CLEC20A: variants seen among roughly 807,000 people sequenced by gnomAD.
The protein encoded by CLEC20A is C-type lectin domain containing 20A, also known as putative C-type lectin domain family 20 member A.
chr1:178,481,176 A>AT (rs1275410212), intron 7 of CLEC20A: 2 of 152,214 alleles, frequency 1.3e-5, no homozygotes, highest in Non-Finnish European at 2.9e-5. Context: ...GTTATATGAA[A>AT]TTACAATAAA....
chr1:178,492,585 C>T lies in CLEC20A; in HGVS notation c.398-19G>A, dbSNP rs1649290531. On this transcript the variant is annotated intron_variant, in intron 2 of 7. Coordinates refer to ENST00000623247, the Ensembl canonical transcript of CLEC20A. ...TCAGGGTCTGTAAAACAGAAACAGACCACGAGTTATGGGGAGGCCCAGGAT... is the reference window on the plus strand; with the variant it reads ...TCAGGGTCTGTAAAACAGAAACAGATCACGAGTTATGGGGAGGCCCAGGAT... The T allele has an allele frequency of 5.0e-6, 2 of 398,400 alleles. No homozygotes were observed. Among genetic ancestry groups the T allele is most frequent in the South Asian group, 1.3e-4 (1 of 7,838 alleles). The allele number at this position is 398,400 out of a possible 1,614,324, so 24.7% of individuals were successfully genotyped here.
intron 1 of CLEC20A, chr1:178,496,516 C>T (rs1047001282): frequency 4.9e-6 from 1 of 204,072 alleles, no homozygotes. Context: ...ACCCTTGCCG[C>T]CCCCTGGTCC....
chr1:178,491,196 G>A (rs1465941907), intron 3 of CLEC20A, among the ~76,000 whole-genome samples: 1 of 152,172 alleles, frequency 6.6e-6, no homozygotes. Context: ...CCTGCCCATC[G>A]CCGGTGCAGC....
intron 3 of CLEC20A, among the ~76,000 whole-genome samples, chr1:178,491,106 A>G (rs1464733624): frequency 6.6e-6 from 1 of 152,162 alleles, no homozygotes; most frequent in Non-Finnish European, 1.5e-5. Context: ...CTGAGATGCT[A>G]TCCTCCCACA....
chr1:178,479,471 T>C (rs906855103), exon 8 of CLEC20A: 2 of 397,416 alleles, frequency 5.0e-6, no homozygotes, highest in Admixed American at 4.4e-5. Flanking sequence ...GATTAAAAAA[T>C]TAAAATTTAC....
In CLEC20A at chr1:178,493,779, CAG is replaced by C. The variant is rs1428575345; in HGVS notation, c.397+673_397+674del. 8 of 152,386 alleles carry C rather than the reference CAG, an allele frequency of 5.2e-5. No individual in the cohort carries two copies. The East Asian group carries it at 1.2e-3, about 22-fold the overall frequency. The allele number at this position is 152,386 out of a possible 1,614,324, so 9.4% of individuals were successfully genotyped here. ...CCACCTGTGCTTCATGAGAAGAAGA[CAG>C]TGAATTCTGCTCTTGCTTCTGCATA... On this transcript the variant is annotated intron_variant, in intron 2 of 7. Transcript: ENST00000623247.
intron 4 of CLEC20A, among the ~76,000 whole-genome samples, chr1:178,489,423 T>C (rs1649225496): frequency 6.6e-6 from 1 of 152,116 alleles, no homozygotes; most frequent in Non-Finnish European, 1.5e-5. Flanking sequence ...ATGGGAATTA[T>C]ATCTCAACAA....
At chr1:178,482,918 C>T (rs1044769431) in intron 6 of CLEC20A, 3 of 330,684 alleles carry the variant, frequency 9.1e-6, no homozygotes, top group African/African-American at 4.2e-5. Flanking sequence ...CTCACAACAA[C>T]GCTGTGATAT....
chr1:178,482,118 T>G, intron 7 of CLEC20A, 194 bp downstream of exon 7: 2 of 381,914 alleles, frequency 5.2e-6, no homozygotes, highest in East Asian at 3.7e-5. Context: ...AGGAAAGACA[T>G]TGGAGAGGGT....
At chr1:178,482,095 A>AAC (rs1179975054) in intron 7 of CLEC20A, 2 of 375,790 alleles carry the variant, frequency 5.3e-6, no homozygotes, top group African/African-American at 4.4e-5. Context: ...AAAAACAACA[A>AAC]AAAAAAAAAC....
intron 5 of CLEC20A, among the ~76,000 whole-genome samples, chr1:178,485,920 A>G (rs1233761113): frequency 6.6e-6 from 1 of 152,226 alleles, no homozygotes; most frequent in Non-Finnish European, 1.5e-5. Context: ...TGGGAGAAGG[A>G]GTGAGTCACT....
chr1:178,483,214 T>A (rs1649036060), exon 6 of CLEC20A: 1 of 398,634 alleles, frequency 2.5e-6, no homozygotes. Context: ...GATTCTGAAC[T>A]CAGATGTTGG....
upstream of CLEC20A, among the ~76,000 whole-genome samples, chr1:178,499,144 G>C (rs1649468275): frequency 6.6e-6 from 1 of 152,178 alleles, no homozygotes; most frequent in Non-Finnish European, 1.5e-5. Flanking sequence ...ACTCCCTGAG[G>C]GCAGCACTTG....
intron 4 of CLEC20A, 30 bp downstream of exon 4, chr1:178,490,042 G>A (rs551652834): frequency 3.3e-5 from 13 of 398,698 alleles, no homozygotes; most frequent in Non-Finnish European, 4.0e-5. Flanking sequence ...TCAATGGGCC[G>A]AGGGCCAGCA....
rs918673522 is a variant in CLEC20A, at chr1:178,496,890, G to A, written c.40+10C>T. 2.3e-5 allele frequency: 9 copies of A among 398,672 alleles called. No individual in the cohort carries two copies. Among genetic ancestry groups the A allele is most frequent in the Non-Finnish European group, 4.0e-5 (9 of 226,196 alleles). 24.7% of individuals were successfully genotyped at this position (398,672 alleles called of 1,614,324 possible). A position where few individuals can be genotyped will look rare whatever the true frequency, so the allele number is the denominator to read the frequency against. Reference sequence around the variant, plus strand: ...AGCCAGGCACCCTCCTCCAGGTTGGGGGGCCTCACCTGCTGCGCAGAAGGA... The same window carrying A: ...AGCCAGGCACCCTCCTCCAGGTTGGAGGGCCTCACCTGCTGCGCAGAAGGA... On this transcript the variant is annotated intron_variant, in intron 1 of 7. Coordinates refer to ENST00000623247, the Ensembl canonical transcript of CLEC20A.
chr1:178,488,456 C>T (rs1649200534), intron 5 of CLEC20A, 45 bp downstream of exon 5: 1 of 398,666 alleles, frequency 2.5e-6, no homozygotes, highest in African/African-American at 2.1e-5. Context: ...GCCACTTCCC[C>T]AGACCCTGAA....
chr1:178,492,012 G>A lies in CLEC20A; in HGVS notation c.463+489C>T, dbSNP rs1057180540. ...GAATAATAAAGACAATGGCCGGCTC[G>A]GTGGCTCATACCTGTAATCCCAGCA... On this transcript the variant is annotated intron_variant, in intron 3 of 7. Coordinates refer to ENST00000623247, the Ensembl canonical transcript of CLEC20A. Among the ~76,000 whole-genome samples, 6 of 152,104 alleles carry A rather than the reference G, an allele frequency of 3.9e-5. No individual in the cohort carries two copies. The South Asian group carries it at 6.2e-4, about 16-fold the overall frequency.
chr1:178,494,455 A>G (rs1363001715), exon 2 of CLEC20A: 3 of 400,000 alleles, frequency 7.5e-6, no homozygotes, highest in Non-Finnish European at 1.3e-5. Context: ...TGAACACACC[A>G]CAGTAGCAGA....
intron 5 of CLEC20A, among the ~76,000 whole-genome samples, chr1:178,485,788 T>C (rs763837657): frequency 8.5e-5 from 13 of 152,190 alleles, no homozygotes; most frequent in Non-Finnish European, 1.3e-4. Context: ...CCCAGAGAGA[T>C]ACAAAGAAGT....
Sources: allele counts gnomAD v4.1 joint callset (sites outside exome capture counted in the v4.1 genomes callset), GRCh38; gene constraint gnomAD v4.1.1; transcripts MANE v1.5; gene names NCBI Gene and HGNC (gene_info 2026-07-23, HGNC 2026-07-21).